CSMD1: variants seen among roughly 807,000 people sequenced by gnomAD.
CSMD1 encodes the protein CUB and Sushi multiple domains 1.
Under a neutral mutation model 417.5 loss-of-function variants are expected in CSMD1, and 213 were observed. The ratio of observed to expected loss-of-function variants is 0.51; its 90% CI spans 0.46 to 0.57. The LOEUF (loss-of-function observed/expected upper bound fraction) is 0.57, where lower values mean the gene tolerates loss of function less well. CSMD1 is among the 20% of genes least tolerant of loss of function. The pLI, the probability that CSMD1 is intolerant of heterozygous loss-of-function variation, is 0.00. For synonymous variants in CSMD1, 2,862 were observed against 1,736.8 expected (o/e 1.65, Z -16.11); for missense variants, 6,923 against 4,529.7 (o/e 1.53, Z -15.17).
chr8:4,435,586 A>G (rs1362064003), intron 2 of CSMD1, among the ~76,000 whole-genome samples: 2 of 152,182 alleles, frequency 1.3e-5, no homozygotes, highest in Non-Finnish European at 2.9e-5. Flanking sequence ...TCCAGGAATC[A>G]TGGAATCTGC....
At chr8:4,650,135 G>C (rs927489453) in intron 1 of CSMD1, among the ~76,000 whole-genome samples, 2 of 152,116 alleles carry the variant, frequency 1.3e-5, no homozygotes, top group African/African-American at 4.8e-5. Flanking sequence ...CACGAGGTCA[G>C]GAGATCGAGA....
At chr8:3,940,838 G>A (rs940159814) in intron 5 of CSMD1, among the ~76,000 whole-genome samples, 4 of 150,358 alleles carry the variant, frequency 2.7e-5, no homozygotes, top group Non-Finnish European at 4.4e-5. Context: ...CTTAACCCAA[G>A]AAGTTTATTA....
chr8:3,201,672 A>C lies in CSMD1; in HGVS notation c.5038T>G (p.Leu1680Val). Residue 1680 changes from leucine to valine, a missense_variant, in exon 32 of 70, where the codon TTA becomes GTA. Transcript: ENST00000635120. ...FQTALNDLAE[L>V]FDGTHAQARL... ...GCCTGTGCATGGGTTCCATCAAATA[A>C]TTCTGCCAAATCATTCAGGGCTGTC... is the stretch of plus-strand genomic sequence containing the variant. 1.2e-6 allele frequency: 2 copies of C among 1,607,002 alleles called. No homozygotes were observed. Among genetic ancestry groups the C allele is most frequent in the East Asian group, 2.2e-5 (1 of 44,732 alleles).
chr8:3,390,481 G>C (rs534652927), intron 17 of CSMD1, among the ~76,000 whole-genome samples: 1 of 151,854 alleles, frequency 6.6e-6, no homozygotes, highest in African/African-American at 2.4e-5. Flanking sequence ...TGTGGGAAAG[G>C]TAGGGCAAAG....
chr8:4,575,989 T>A (rs1201700643), intron 2 of CSMD1, among the ~76,000 whole-genome samples: 3 of 152,170 alleles, frequency 2.0e-5, no homozygotes, highest in African/African-American at 7.2e-5. Flanking sequence ...ACAGCCTCAG[T>A]CCAAGCTGCC....
rs541219798 is a variant in CSMD1 at position 3,925,385 on chromosome 8, G to A, written c.818+72518C>T. Among the ~76,000 whole-genome samples the A allele has an allele frequency of 1.1e-3, 164 of 152,256 alleles. 2 individuals carry two copies. Among genetic ancestry groups the A allele is most frequent in the African/African-American group, 1.1e-3 (44 of 41,544 alleles). ...TATTCAAATGACAATTTAATATTAA[G>A]TGTACTTTAAAATATAAAAGCATGA... is the stretch of plus-strand genomic sequence containing the variant. On this transcript the variant is annotated intron_variant, in intron 5 of 69. Coordinates refer to ENST00000635120, the MANE Select transcript of CSMD1 (RefSeq NM_033225.6).
chr8:3,753,738 CT>C (rs1338537243), intron 6 of CSMD1, among the ~76,000 whole-genome samples, 191 bp downstream of exon 6: 1 of 152,146 alleles, frequency 6.6e-6, no homozygotes, highest in Non-Finnish European at 1.5e-5. Flanking sequence ...ATCCTGTATA[CT>C]GTGATAGTGA....
At chr8:4,135,726 C>A (rs911336302) in intron 3 of CSMD1, among the ~76,000 whole-genome samples, 2 of 151,856 alleles carry the variant, frequency 1.3e-5, no homozygotes, top group African/African-American at 4.8e-5. Context: ...AATTCAGTCA[C>A]CAATTTATCA....
chr8:4,155,400 C>G (rs1046872560), intron 3 of CSMD1, among the ~76,000 whole-genome samples: 3 of 152,172 alleles, frequency 2.0e-5, no homozygotes, highest in African/African-American at 7.2e-5. Flanking sequence ...ATTCCTTTTA[C>G]TTTATAAATC....
At chr8:4,822,145 A>G (rs1332424695) in intron 1 of CSMD1, among the ~76,000 whole-genome samples, 3 of 151,984 alleles carry the variant, frequency 2.0e-5, no homozygotes, top group Admixed American at 6.6e-5. Context: ...GTTAAATGTT[A>G]TAAGCCTCTG....
intron 10 of CSMD1, among the ~76,000 whole-genome samples, chr8:3,542,282 G>C (rs1798472798): frequency 1.3e-5 from 2 of 152,062 alleles, no homozygotes; most frequent in Non-Finnish European, 2.9e-5. Flanking sequence ...TCTGAAGATG[G>C]TTCATTCATT....
intron 4 of CSMD1, among the ~76,000 whole-genome samples, chr8:4,002,979 C>G (rs751043954): frequency 6.6e-6 from 1 of 151,880 alleles, no homozygotes; most frequent in Admixed American, 6.6e-5. Flanking sequence ...ATAAGTAAAC[C>G]AATCTACCTG....
chr8:4,268,324 A>C (rs998729594), intron 3 of CSMD1, among the ~76,000 whole-genome samples: 2 of 152,132 alleles, frequency 1.3e-5, no homozygotes, highest in Non-Finnish European at 2.9e-5. Context: ...TTATGACCTG[A>C]ATATTAATTA....
intron 37 of CSMD1, among the ~76,000 whole-genome samples, chr8:3,166,303 G>A (rs933986564): frequency 2.0e-5 from 3 of 152,152 alleles, no homozygotes; most frequent in African/African-American, 7.2e-5. Flanking sequence ...GGCCGAGGCA[G>A]GCAGATCACC....
chr8:4,072,492 C>T (rs556145055), intron 3 of CSMD1, among the ~76,000 whole-genome samples: 7 of 152,236 alleles, frequency 4.6e-5, no homozygotes, highest in Admixed American at 2.0e-4. Flanking sequence ...GGAATTGTGA[C>T]TATAATCCAT....
chr8:3,743,788 T>C (rs1796931940), intron 6 of CSMD1, among the ~76,000 whole-genome samples: 2 of 152,222 alleles, frequency 1.3e-5, no homozygotes, highest in African/African-American at 4.8e-5. Context: ...AGTTTATCTT[T>C]ACAGCTGCCG....
chr8:4,975,700 G>C (rs191997938), intron 1 of CSMD1, among the ~76,000 whole-genome samples: 90 of 152,310 alleles, frequency 5.9e-4, no homozygotes, highest in African/African-American at 2.1e-3. Context: ...TATTACCATT[G>C]TGAGCTCTTC....
At chr8:4,006,522 G>A (rs1003253546) in intron 4 of CSMD1, among the ~76,000 whole-genome samples, 11 of 152,262 alleles carry the variant, frequency 7.2e-5, no homozygotes, top group Admixed American at 3.3e-4. Context: ...TGGCCTGAGC[G>A]ACAGAGTGAG....
chr8:4,340,002 C>G (rs925040006), intron 3 of CSMD1, among the ~76,000 whole-genome samples: 2 of 152,036 alleles, frequency 1.3e-5, no homozygotes, highest in Non-Finnish European at 2.9e-5. Flanking sequence ...CCAGCCTGGA[C>G]AACAGAACCA....
Sources: allele counts gnomAD v4.1 joint callset (sites outside exome capture counted in the v4.1 genomes callset), GRCh38; gene constraint gnomAD v4.1.1; transcripts MANE v1.5; gene names NCBI Gene and HGNC (gene_info 2026-07-23, HGNC 2026-07-21).